ZNF184: variants seen among roughly 807,000 people sequenced by gnomAD.
The protein encoded by ZNF184 is zinc finger protein 184 (Kruppel-like).
A neutral mutation model predicts 54.4 loss-of-function variants in ZNF184; 16 were observed. The observed-to-expected ratio is 0.29, with a 90% CI of 0.20 to 0.45. The LOEUF (loss-of-function observed/expected upper bound fraction) is 0.45, where lower values mean the gene tolerates loss of function less well. ZNF184 is among the 20% of genes least tolerant of loss of function. The pLI, the probability that ZNF184 is intolerant of heterozygous loss-of-function variation, is 1.00. For missense variants in ZNF184, 681 were observed against 888.2 expected (o/e 0.77, Z 2.97); for synonymous variants, 254 against 295.3 (o/e 0.86, Z 1.43).
Position 27,472,961 on chromosome 6 carries a change from C to T in ZNF184, c.-372G>A. 1 of 152,708 alleles carries T rather than the reference C, an allele frequency of 6.5e-6. No homozygotes were observed. Among genetic ancestry groups the T allele is most frequent in the Non-Finnish European group, 1.5e-5 (1 of 68,324 alleles). 9.5% of individuals were successfully genotyped at this position (152,708 alleles called of 1,614,324 possible). A position where few individuals can be genotyped will look rare whatever the true frequency, so the allele number is the denominator to read the frequency against. On this transcript the variant is annotated 5_prime_UTR_variant, in exon 1 of 6. Transcript: ENST00000683788. The surrounding 1 kb of genome is among the most constrained non-coding windows in gnomAD (Gnocchi z 4.8). ...CACGAGTCCGGAGGGCTGGCTGTTGCCATGGTGATACCTGAGCTCCCCTCC... is the reference window on the plus strand; with the variant it reads ...CACGAGTCCGGAGGGCTGGCTGTTGTCATGGTGATACCTGAGCTCCCCTCC...
chr6:27,435,531 T>G, the ZNF184 span, among the ~76,000 whole-genome samples: 1 of 152,192 alleles, frequency 6.6e-6, no homozygotes, highest in African/African-American at 2.4e-5. Context: ...TAGCTCTAGG[T>G]TTTTTTGTGG....
the ZNF184 span, among the ~76,000 whole-genome samples, chr6:27,420,485 TG>T: frequency 7.2e-5 from 11 of 152,304 alleles, no homozygotes; most frequent in Non-Finnish European, 1.3e-4. Flanking sequence ...CCATGCCCAA[TG>T]TTAGCTACCC....
chr6:27,422,145 AAAAAAAGAAAGAAAG>A, the ZNF184 span, among the ~76,000 whole-genome samples: 11 of 51,930 alleles, frequency 2.1e-4, 1 homozygote, highest in African/African-American at 8.0e-4. Flanking sequence ...TACCTCAAAA[AAAAAAAGAAAGAAAG>A]AAAGAAAGAA....
chr6:27,457,578 T>C (rs1430033951), intron 3 of ZNF184, among the ~76,000 whole-genome samples, 169 bp from the exon 4 acceptor site: 1 of 152,212 alleles, frequency 6.6e-6, no homozygotes, highest in Non-Finnish European at 1.5e-5. Context: ...CATTGGGTTA[T>C]TGTGAGAATT....
chr6:27,412,473 AATT>A, the ZNF184 span, among the ~76,000 whole-genome samples: 2 of 152,218 alleles, frequency 1.3e-5, no homozygotes, highest in African/African-American at 4.8e-5. Context: ...CCAAGGTGGC[AATT>A]CTCCTTAGTA....
rs775794345 is a variant in ZNF184, at chr6:27,451,981, T to TTGAGTA, written c.1572_1577dup (p.His524_Thr525dup). 8 of 1,613,740 alleles carry TTGAGTA rather than the reference T, an allele frequency of 5.0e-6. No homozygotes were observed. Among genetic ancestry groups the TTGAGTA allele is most frequent in the Non-Finnish European group, 2.5e-6 (3 of 1,179,986 alleles). On this transcript the variant is annotated inframe_insertion, in exon 6 of 6. Coordinates refer to ENST00000683788, the MANE Select transcript of ZNF184 (RefSeq NM_001318891.2). Reference sequence around the variant, plus strand: ...ATTCTTTACATTCATAAGCTTTCTCTTGAGTATGAGTTTTCTGATGCTGAT... The same window carrying TTGAGTA: ...ATTCTTTACATTCATAAGCTTTCTCTTGAGTATGAGTATGAGTTTTCTGATGCTGAT...
At chr6:27,438,253 T>C in the ZNF184 span, among the ~76,000 whole-genome samples, 1 of 152,210 alleles carries the variant, frequency 6.6e-6, no homozygotes, top group Non-Finnish European at 1.5e-5. Context: ...GTTCCATCTA[T>C]ATGCATGAAT....
the ZNF184 span, among the ~76,000 whole-genome samples, chr6:27,442,846 G>GA: frequency 1.3e-3 from 78 of 59,092 alleles, no homozygotes; most frequent in Middle Eastern, 0.012. Context: ...AAGAAAGAAA[G>GA]AAAGAAAGAA....
At chr6:27,454,261 AC>A (rs1434986013) in intron 5 of ZNF184, among the ~76,000 whole-genome samples, 1 of 152,152 alleles carries the variant, frequency 6.6e-6, no homozygotes, top group Admixed American at 6.5e-5. Context: ...AAGCCCAGTC[AC>A]TATCACTACC....
intron 3 of ZNF184, among the ~76,000 whole-genome samples, chr6:27,465,260 G>A (rs537648500): frequency 3.3e-4 from 50 of 150,748 alleles, no homozygotes; most frequent in Admixed American, 5.3e-4. Context: ...CGAGGCGGGC[G>A]GATCACGAAG....
At chr6:27,458,874 A>G (rs1488684435) in intron 3 of ZNF184, among the ~76,000 whole-genome samples, 1 of 152,260 alleles carries the variant, frequency 6.6e-6, no homozygotes. Flanking sequence ...TGGTATATAT[A>G]CACAAGGGAA....
At chr6:27,437,832 A>G in the ZNF184 span, among the ~76,000 whole-genome samples, 1 of 152,240 alleles carries the variant, frequency 6.6e-6, no homozygotes, top group African/African-American at 2.4e-5. Flanking sequence ...GCTTCTACTT[A>G]TCCTGGACAT....
At chr6:27,443,436 C>A in the ZNF184 span, among the ~76,000 whole-genome samples, 1 of 152,210 alleles carries the variant, frequency 6.6e-6, no homozygotes, top group Non-Finnish European at 1.5e-5. Context: ...CCTCACACTT[C>A]CCATGACTGC....
chr6:27,406,610 G>A, the ZNF184 span: 1 of 152,320 alleles, frequency 6.6e-6, no homozygotes, highest in Non-Finnish European at 1.5e-5. Context: ...ACTCTGGCAG[G>A]ACCAGGTTGC....
At chr6:27,458,272 C>A (rs1581580008) in intron 3 of ZNF184, among the ~76,000 whole-genome samples, 2 of 74,028 alleles carry the variant, frequency 2.7e-5, no homozygotes, top group Non-Finnish European at 2.7e-5. Context: ...AAACAAAAGG[C>A]AATTTAAAAA....
chr6:27,440,540 A>T, the ZNF184 span, among the ~76,000 whole-genome samples: 1 of 152,200 alleles, frequency 6.6e-6, no homozygotes, highest in African/African-American at 2.4e-5. Flanking sequence ...ATACTGACAC[A>T]ATGAAGAAAT....
the ZNF184 span, among the ~76,000 whole-genome samples, chr6:27,414,303 A>G: frequency 6.6e-6 from 1 of 152,164 alleles, no homozygotes; most frequent in Non-Finnish European, 1.5e-5. Context: ...TTTTCAACAC[A>G]GTAGCCAGAA....
At chr6:27,424,097 T>C in the ZNF184 span, among the ~76,000 whole-genome samples, 1 of 152,192 alleles carries the variant, frequency 6.6e-6, no homozygotes, top group Non-Finnish European at 1.5e-5. Context: ...TGTTTAGATG[T>C]GTTCAGTTTC....
the ZNF184 span, among the ~76,000 whole-genome samples, chr6:27,431,123 T>G: frequency 6.6e-6 from 1 of 152,252 alleles, no homozygotes; most frequent in Non-Finnish European, 1.5e-5. Flanking sequence ...TTTTCATTCT[T>G]GGGCAGTGCT....
Sources: gnomAD v4.1 joint callset for allele counts (sites outside exome capture counted in the v4.1 genomes callset) on GRCh38, gnomAD v4.1.1 for gene constraint, Gnocchi (gnomAD v3.1) non-coding constraint, MANE v1.5 for transcripts, NCBI Gene and HGNC (gene_info 2026-07-23, HGNC 2026-07-21) for gene names.